Variants in OPLAH observed in about 807,000 individuals in gnomAD.
The protein encoded by OPLAH is 5-oxoprolinase.
Under a neutral mutation model 122.8 loss-of-function variants are expected in OPLAH, and 103 were observed. The ratio of observed to expected loss-of-function variants is 0.84; its 90% confidence interval spans 0.71 to 0.99. The LOEUF (loss-of-function observed/expected upper bound fraction) is 0.99, where lower values mean the gene tolerates loss of function less well. Among genes scored for constraint, OPLAH ranks in the 50% least tolerant of loss-of-function variants. The pLI is 0.00. For synonymous variants in OPLAH, 875 were observed against 796.0 expected (o/e 1.10, Z -1.67); for missense variants, 1,902 against 1,836.5 (o/e 1.04, Z -0.65).
Position 144,059,793 on chromosome 8 carries a change from G to T in OPLAH, c.172-3C>A. On this transcript the variant is annotated splice_region_variant and splice_polypyrimidine_tract_variant and intron_variant, in intron 2 of 26. Transcript: ENST00000618853. ...CGGGGCAGGAGCATGCCGGCCTCCT[G>T]GGGACCACGTGGTCAGTGTGGGGCT... 3 of 1,608,366 alleles carry T rather than the reference G, an allele frequency of 1.9e-6. No individual in the cohort carries two copies. The highest frequency in any genetic ancestry group is 2.5e-6 in the Non-Finnish European group (3 of 1,178,416).
At chr8:144,059,498 A>G (rs1229526431) in intron 3 of OPLAH, 101 bp downstream of exon 3, 3 of 1,251,574 alleles carry the variant, frequency 2.4e-6, no homozygotes, top group Non-Finnish European at 3.3e-6. Flanking sequence ...GCTGGTGCCC[A>G]TGAGCCATCA....
At position 144,051,710 on chromosome 8, in the gene OPLAH, G is replaced by C. The variant is rs1554757687; in HGVS notation, c.3720+19C>G. 1.3e-6 allele frequency: 2 copies of C among 1,573,990 alleles called. No individual in the cohort carries two copies. The highest frequency in any genetic ancestry group is 2.3e-5 in the South Asian group (2 of 87,230). On this transcript the variant is annotated intron_variant, in intron 26 of 26. Coordinates refer to ENST00000618853, the MANE Select transcript of OPLAH (RefSeq NM_017570.5). ...AGGGGAGGGGAGGGGAGGGGGACAG[G>C]ACAGGCCGCGGCCCTTACCCCGGGG...
upstream of OPLAH, chr8:144,060,746 A>G (rs1439920240): frequency 1.3e-5 from 2 of 152,084 alleles, no homozygotes; most frequent in African/African-American, 4.8e-5. Flanking sequence ...GGAGGAGCCT[A>G]CAGGGCCCGC....
At chr8:144,052,939 G>T (rs781874746) in intron 21 of OPLAH, 39 bp from the exon 22 acceptor site, 1 of 1,571,048 alleles carries the variant, frequency 6.4e-7, no homozygotes, top group South Asian at 1.2e-5. Context: ...GTCAGCGGCC[G>T]CACCGTGCCC....
In OPLAH at chr8:144,051,916, C is replaced by CGTG. The variant is rs1554757747; in HGVS notation, c.3619_3621dup (p.His1207dup). ...CCGCGAGGGCTGGGGAACCGCGCAC[C>CGTG]GTGGAGCCCGTATGGCCGGAAGGCG... On this transcript the variant is annotated inframe_insertion and splice_region_variant, in exon 25 of 27. Transcript: ENST00000618853. 1.3e-6 allele frequency: 2 copies of CGTG among 1,532,382 alleles called. No individual in the cohort carries two copies. The highest frequency in any genetic ancestry group is 4.9e-5 in the East Asian group (2 of 40,776). 94.9% of individuals were successfully genotyped at this position (1,532,382 alleles called of 1,614,324 possible).
At position 144,054,679 on chromosome 8, in the gene OPLAH, G is replaced by A. The variant is rs377155890; in HGVS notation, c.2568C>T (p.His856=). 118 of 1,612,540 alleles carry A rather than the reference G, an allele frequency of 7.3e-5. No homozygotes were observed. The East Asian group carries it at 1.9e-3, about 26-fold the overall frequency. Residue 856 remains histidine (H), a synonymous_variant, in exon 19 of 27, where the codon CAC becomes CAT. Transcript: ENST00000618853. ...PVFYVASRGH[H]ADIGGITPGS... is the part of the protein sequence containing the mutation. The stretch of plus-strand genomic sequence containing the variant: ...CTGGTGTGATGCCCCCGATGTCTGC[G>A]TGGTGCCCTCGGCTGGCCACATAGA...
chr8:144,056,649 C>A lies in OPLAH; in HGVS notation c.1813G>T (p.Ala605Ser). The A allele has an allele frequency of 6.2e-7, 1 of 1,612,290 alleles. No individual in the cohort carries two copies. Among genetic ancestry groups the A allele is most frequent in the Non-Finnish European group, 8.5e-7 (1 of 1,179,796 alleles). The change falls in exon 13 of 27, where the codon GCG becomes TCG. Residue 605 changes from alanine (A) to serine (S), a missense_variant. By Grantham distance (99) the Ala-to-Ser change is moderately conservative. Transcript: ENST00000618853. ...ACAAAGGCTGCCCCGAAGTCCCCCG[C>A]ACGGGGCGAGCGGGCTGTGGCTGGG... ...QHPATARSPR[A>S]GDFGAAFVER...
rs895872303 is a variant in OPLAH, at chr8:144,052,493, C to T, written c.3259G>A (p.Val1087Met). The change falls in exon 23 of 27, where the codon GTG becomes ATG. Residue 1087 changes from valine to methionine, a missense_variant. Physicochemically the swap from Val to Met is conservative, Grantham distance 21 (BLOSUM62 1). Coordinates refer to ENST00000618853, the MANE Select transcript of OPLAH (RefSeq NM_017570.5). ...GGNVLTSQRV[V>M]DVILGAFGAC... Reference sequence around the variant, plus strand: ...CCAAAGGCCCCCAGGATGACATCCACCACGCGCTGCGACGTGAGCACGTTG... The same window carrying T: ...CCAAAGGCCCCCAGGATGACATCCATCACGCGCTGCGACGTGAGCACGTTG... 15 of 1,566,566 alleles carry T rather than the reference C, an allele frequency of 9.6e-6. No individual in the cohort carries two copies. Among genetic ancestry groups the T allele is most frequent in the Non-Finnish European group, 1.3e-5 (15 of 1,162,846 alleles).
chr8:144,062,944 G>A (rs760362384), upstream of OPLAH, among the ~76,000 whole-genome samples: 2 of 151,082 alleles, frequency 1.3e-5, no homozygotes, highest in Non-Finnish European at 3.0e-5. Flanking sequence ...GCGCGTCTCG[G>A]GGGCAGACCA....
At position 144,058,778 on chromosome 8, in the gene OPLAH, C is replaced by T. The variant is rs782310734; in HGVS notation, c.582G>A (p.Ser194=). Residue 194 remains serine (S), a synonymous_variant, in exon 5 of 27, where the codon TCG becomes TCA. Coordinates refer to ENST00000618853, the MANE Select transcript of OPLAH (RefSeq NM_017570.5). The part of the protein sequence containing the change: ...IRSLAVVLMH[S]YTWAQHEQQV... ...CACAGCCCCACCTCACTCACGTGTA[C>T]GAGTGCATGAGCACCACAGCCAGGC... 9 of 1,600,924 alleles carry T rather than the reference C, an allele frequency of 5.6e-6. No homozygotes were observed. Among genetic ancestry groups the T allele is most frequent in the African/African-American group, 5.4e-5 (4 of 74,708 alleles).
rs782539252 is a variant in OPLAH at position 144,054,604 on chromosome 8, A to AAACAG, written c.2642_2643insCTGTT (p.Leu882CysfsTer18). ...CCCCCTGGACAAGTTTGAAGGACAG[A>AAACAG]AAGACGGCACCCTCCTGTTGCAGCA... On this transcript the variant is annotated frameshift_variant, in exon 19 of 27. Transcript: ENST00000618853. LOFTEE classifies it high-confidence loss of function. 3.7e-6 allele frequency: 6 copies of AAACAG among 1,605,068 alleles called. No homozygotes were observed. The South Asian group carries it at 6.6e-5, about 18-fold the overall frequency.
rs1554758149 is a variant in OPLAH at position 144,053,145 on chromosome 8, A to T, written c.2872-16T>A. On this transcript the variant is annotated splice_polypyrimidine_tract_variant and intron_variant, in intron 20 of 26. Coordinates refer to ENST00000618853, the MANE Select transcript of OPLAH (RefSeq NM_017570.5). ...CAGCGTTTGCCTGGCAGGGAGCAGG[A>T]TCAGTGGTGGCCAGGTCACCTGCAG... 1 of 1,607,816 alleles carries T rather than the reference A, an allele frequency of 6.2e-7. No homozygotes were observed. The highest frequency in any genetic ancestry group is 8.5e-7 in the Non-Finnish European group (1 of 1,177,796).
Position 144,051,492 on chromosome 8 carries a change from CGGGGA to C in OPLAH, c.3721-25_3721-21del. On this transcript the variant is annotated intron_variant, in intron 26 of 26. Transcript: ENST00000618853. ...CACATCCTGTTGGCGCGGGGGGGGGCGGGGAGGCGGGCTCAGTGCAGGCGTGGCCC... is the reference window on the plus strand; with the variant it reads ...CACATCCTGTTGGCGCGGGGGGGGGCGGCGGGCTCAGTGCAGGCGTGGCCC... The C allele has an allele frequency of 4.3e-4, 179 of 412,994 alleles. No homozygotes were observed. The highest frequency in any genetic ancestry group is 5.6e-4 in the Non-Finnish European group (163 of 291,820). 25.6% of individuals were successfully genotyped at this position (412,994 alleles called of 1,614,324 possible).
chr8:144,056,447 G>A lies in OPLAH; in HGVS notation c.1921C>T (p.Arg641Cys), dbSNP rs150735438. The change falls in exon 14 of 27, where the codon CGC (arginine) becomes TGC (cysteine). Residue 641 changes from arginine (R) to cysteine (C), a missense_variant. Arg to Cys is a radical substitution (Grantham distance 180, BLOSUM62 -3). Transcript: ENST00000618853. ...VDDVRVRGTG[R>C]SGLRLEDAPK... Reference sequence around the variant, plus strand: ...GCATCCTCGAGGCGAAGACCACTGCGGCCGGTGCCCCGCACTCGCACATCG... The same window carrying A: ...GCATCCTCGAGGCGAAGACCACTGCAGCCGGTGCCCCGCACTCGCACATCG... 5.7e-4 allele frequency: 926 copies of A among 1,610,578 alleles called. 5 individuals are homozygous for A. The African/African-American group carries it at 0.011, about 19-fold the overall frequency.
Position 144,053,272 on chromosome 8 carries a change from C to T in OPLAH, c.2808G>A (p.Leu936=). ...QVAANQKGIQ[L]VGELIGQYGL... ...CGTACTGCCCAATGAGCTCCCCCAC[C>T]AGCTGGATGCCCTTCTGGTTGGCTG... Residue 936 remains leucine, a synonymous_variant, in exon 20 of 27, where the codon CTG becomes CTA. Transcript: ENST00000618853. 9 of 1,613,106 alleles carry T rather than the reference C, an allele frequency of 5.6e-6. No homozygotes were observed. The highest frequency in any genetic ancestry group is 7.6e-6 in the Non-Finnish European group (9 of 1,179,836).
Position 144,058,569 on chromosome 8 carries a change from G to A in OPLAH, c.710C>T (p.Ala237Val). The A allele has an allele frequency of 6.2e-7, 1 of 1,601,718 alleles. No individual in the cohort carries two copies. Among genetic ancestry groups the A allele is most frequent in the Non-Finnish European group, 8.5e-7 (1 of 1,179,062 alleles). Residue 237 changes from alanine (A) to valine (V), a missense_variant, in exon 6 of 27, where the codon GCC becomes GTC. This residue lies in a region of OPLAH where 1,726 missense variants were observed against 1,642.1 expected (regional missense o/e 1.05). Transcript: ENST00000618853. ...RIVPRGHTAC[A>V]DAYLTPAIQR... ...GATGGCGGGCGTGAGGTAGGCGTCG[G>A]CACAGGCCGTGTGCCCCCGAGGGAC...
At chr8:144,051,864 CG>C in intron 25 of OPLAH, 38 bp from the exon 26 acceptor site, 1 of 215,564 alleles carries the variant, frequency 4.6e-6, no homozygotes, top group Non-Finnish European at 5.3e-6. Context: ...AGACCAGGGG[CG>C]GGGGTGGGGG....
chr8:144,051,270 C>A lies in OPLAH; in HGVS notation c.*56G>T, dbSNP rs1305419253. 6.2e-7 allele frequency: 1 copy of A among 1,601,526 alleles called. No homozygotes were observed. Among genetic ancestry groups the A allele is most frequent in the Non-Finnish European group, 8.5e-7 (1 of 1,175,558 alleles). ...GACACGACTCGGAGCACGAACTAGG[C>A]GCCGTAGCTGCGTCCCCAGAACCGG... On this transcript the variant is annotated 3_prime_UTR_variant, in exon 27 of 27. Transcript: ENST00000618853.
chr8:144,051,496 G>GTCCTCCGGGTCCCC, intron 26 of OPLAH, 24 bp from the exon 27 acceptor site: 1 of 1,250,486 alleles, frequency 8.0e-7, no homozygotes, highest in Non-Finnish European at 1.1e-6. Context: ...GGGGGGCGGG[G>GTCCTCCGGGTCCCC]AGGCGGGCTC....
Sources: gnomAD v4.1 joint callset for allele counts (sites outside exome capture counted in the v4.1 genomes callset) on GRCh38, gnomAD v4.1.1 for gene constraint, gnomAD v4.1.1 regional missense constraint, MANE v1.5 for transcripts, NCBI Gene and HGNC (gene_info 2026-07-23, HGNC 2026-07-21) for gene names.